SLC39A11: variants seen among roughly 807,000 people sequenced by gnomAD.
SLC39A11 encodes solute carrier family 39 member 11.
In SLC39A11, 33 loss-of-function variants were observed where a neutral mutation model predicts 36.1. That is an observed-to-expected ratio of 0.91 (90% CI 0.69 to 1.22). SLC39A11 has a LOEUF of 1.22. Ranked by LOEUF, SLC39A11 falls within the 50% of genes most tolerant of loss-of-function variation. The pLI, the probability that SLC39A11 is intolerant of heterozygous loss-of-function variation, is 0.00. For synonymous variants in SLC39A11, 166 were observed against 170.3 expected (o/e 0.97, Z 0.20); for missense variants, 432 against 430.3 (o/e 1.00, Z -0.03).
intron 3 of SLC39A11, among the ~76,000 whole-genome samples, chr17:73,082,736 C>G (rs978737625): frequency 9.9e-5 from 15 of 152,074 alleles, no homozygotes; most frequent in African/African-American, 3.6e-4. Context: ...GTGGGCCGGG[C>G]ATGGTGGCTC....
At chr17:72,884,667 T>C (rs777196795) in intron 5 of SLC39A11, among the ~76,000 whole-genome samples, 11 of 152,226 alleles carry the variant, frequency 7.2e-5, no homozygotes, top group Non-Finnish European at 1.6e-4. Context: ...GGATCTATCT[T>C]GAACATTAGA....
At chr17:72,920,264 G>A (rs1419228692) in intron 5 of SLC39A11, among the ~76,000 whole-genome samples, 4 of 151,832 alleles carry the variant, frequency 2.6e-5, no homozygotes, top group Non-Finnish European at 2.9e-5. Context: ...ACGTTCAAAC[G>A]GGAAGCCTCA....
At chr17:72,780,830 A>C (rs2076291220) in intron 6 of SLC39A11, among the ~76,000 whole-genome samples, 2 of 152,022 alleles carry the variant, frequency 1.3e-5, no homozygotes, top group South Asian at 4.2e-4. Context: ...TCTACTAAAA[A>C]TACAAAATTA....
chr17:72,960,251 A>G (rs1308399996), intron 4 of SLC39A11, among the ~76,000 whole-genome samples: 3 of 152,206 alleles, frequency 2.0e-5, no homozygotes, highest in African/African-American at 7.2e-5. Context: ...ACTTTCACAA[A>G]TAAATGTCTT....
At chr17:72,748,952 T>G (rs2075048425) in intron 6 of SLC39A11, among the ~76,000 whole-genome samples, 1 of 152,216 alleles carries the variant, frequency 6.6e-6, no homozygotes, top group Non-Finnish European at 1.5e-5. Context: ...CAGTCTACCC[T>G]CCGGGCCTCT....
chr17:73,049,709 T>C (rs1337196915), intron 3 of SLC39A11, among the ~76,000 whole-genome samples: 4 of 152,148 alleles, frequency 2.6e-5, no homozygotes. Context: ...GGGATTGTAA[T>C]GAACAAGACA....
intron 6 of SLC39A11, among the ~76,000 whole-genome samples, chr17:72,750,802 G>C (rs1320889833): frequency 6.6e-6 from 1 of 151,826 alleles, no homozygotes; most frequent in Non-Finnish European, 1.5e-5. Context: ...AAAAAAAACT[G>C]CCTTCCTTAC....
At chr17:73,088,257 G>A (rs547594656) in intron 2 of SLC39A11, among the ~76,000 whole-genome samples, 62 of 147,858 alleles carry the variant, frequency 4.2e-4, no homozygotes, top group African/African-American at 1.5e-3. Context: ...TCCTGCCACT[G>A]CACGCCAGGC....
Position 72,729,432 on chromosome 17 carries a change from TATATATATATATATATATATATA to T in SLC39A11, c.671+7195_671+7217del, listed in dbSNP as rs2074094826. 4.6e-3 allele frequency among the ~76,000 whole-genome samples: 16 copies of T among 3,456 alleles called. 1 individual carries two copies. The highest frequency in any genetic ancestry group is 7.6e-3 in the African/African-American group (8 of 1,052). The allele number at this position is 3,456 out of a possible 152,430, so 2.3% of individuals were successfully genotyped here. ...ATATATATATATATATATATATATA[TATATATATATATATATATATATA>T]TATTTTTTTTTTTTTTTTTTTTTGT... On this transcript the variant is annotated intron_variant, in intron 7 of 9. Transcript: ENST00000255559.
At chr17:72,994,632 G>C (rs749481819) in intron 4 of SLC39A11, among the ~76,000 whole-genome samples, 22 of 152,150 alleles carry the variant, frequency 1.4e-4, no homozygotes, top group Non-Finnish European at 2.5e-4. Flanking sequence ...CTTTTAATTA[G>C]AAATCTGAGC....
chr17:72,872,823 G>A (rs181377043), intron 5 of SLC39A11, among the ~76,000 whole-genome samples: 3 of 152,206 alleles, frequency 2.0e-5, no homozygotes, highest in East Asian at 3.9e-4. Flanking sequence ...TTGGGAGGCT[G>A]AGGCAGGTGG....
chr17:72,970,892 G>C (rs895303861), intron 4 of SLC39A11, among the ~76,000 whole-genome samples: 2 of 152,228 alleles, frequency 1.3e-5, no homozygotes, highest in Non-Finnish European at 2.9e-5. Flanking sequence ...TGTCCTCAGA[G>C]CCTGGCTCAT....
chr17:72,923,188 T>C (rs1449441640), intron 5 of SLC39A11, among the ~76,000 whole-genome samples: 1 of 152,050 alleles, frequency 6.6e-6, no homozygotes, highest in Non-Finnish European at 1.5e-5. Flanking sequence ...TATACATCCC[T>C]GCACAATGTC....
chr17:72,800,303 A>ATTTTTTTTTTTTT (rs34172959), intron 6 of SLC39A11, among the ~76,000 whole-genome samples: 1 of 90,368 alleles, frequency 1.1e-5, no homozygotes, highest in East Asian at 2.8e-4. Flanking sequence ...ACCTACAATA[A>ATTTTTTTTTTTTT]TTTTTTTTTT....
intron 6 of SLC39A11, among the ~76,000 whole-genome samples, chr17:72,832,594 C>A (rs2078333094): frequency 6.6e-6 from 1 of 152,150 alleles, no homozygotes; most frequent in Non-Finnish European, 1.5e-5. Context: ...CCTAGAAGTA[C>A]ATTTAGGTGT....
chr17:73,004,232 A>AAAGAAGAAAG, intron 4 of SLC39A11, among the ~76,000 whole-genome samples: 1 of 88,644 alleles, frequency 1.1e-5, no homozygotes, highest in African/African-American at 4.2e-5. Context: ...AGAAAGAAAG[A>AAAGAAGAAAG]AAAGAAAGAA....
In SLC39A11 at chr17:72,765,761, T is replaced by C. The variant is rs552092665; in HGVS notation, c.602-29042A>G. ...TTCAAGCTGGTAACAACATGTTTTG[T>C]CAGTTTCATCTTTGTGTTCTAATGT... On this transcript the variant is annotated intron_variant, in intron 6 of 9. Coordinates refer to ENST00000255559, the MANE Select transcript of SLC39A11 (RefSeq NM_139177.4). Among the ~76,000 whole-genome samples the C allele has an allele frequency of 2.6e-5, 4 of 152,340 alleles. No individual in the cohort carries two copies. The South Asian group carries it at 6.2e-4, about 24-fold the overall frequency.
chr17:72,711,911 C>G (rs530166640), intron 7 of SLC39A11, among the ~76,000 whole-genome samples: 85 of 152,310 alleles, frequency 5.6e-4, no homozygotes, highest in Non-Finnish European at 1.0e-3. Flanking sequence ...AAGAAAAGAA[C>G]CTTTCTCTGT....
At chr17:72,947,411 G>A (rs1370530817) in intron 5 of SLC39A11, 1 of 311,468 alleles carries the variant, frequency 3.2e-6, no homozygotes, top group Non-Finnish European at 6.0e-6. Flanking sequence ...TCATCAGAGA[G>A]GGGGACACTG....
Sources: allele counts gnomAD v4.1 joint callset (sites outside exome capture counted in the v4.1 genomes callset), GRCh38; gene constraint gnomAD v4.1.1; transcripts MANE v1.5; gene names NCBI Gene and HGNC (gene_info 2026-07-23, HGNC 2026-07-21).